The following PIK3R3 variants were observed in gnomAD, a reference collection of about 807,000 sequenced individuals.
The protein encoded by PIK3R3 is phosphoinositide-3-kinase regulatory subunit 3.
A neutral mutation model predicts 62.9 loss-of-function variants in PIK3R3; 64 were observed. That is an observed-to-expected ratio of 1.02 (90% CI 0.83 to 1.25). The LOEUF (loss-of-function observed/expected upper bound fraction) is 1.25, where lower values mean the gene tolerates loss of function less well. PIK3R3 is among the 50% of genes most tolerant of loss of function. PIK3R3 has a pLI of 0.00. For missense variants in PIK3R3, 614 were observed against 561.6 expected (o/e 1.09, Z -0.94); for synonymous variants, 165 against 189.0 (o/e 0.87, Z 1.04).
chr1:46,090,320 A>G (rs1475876352), intron 1 of PIK3R3, among the ~76,000 whole-genome samples: 1 of 150,902 alleles, frequency 6.6e-6, no homozygotes, highest in Non-Finnish European at 1.5e-5. Context: ...TTTTTTATTT[A>G]TTTATTTATT....
intron 1 of PIK3R3, among the ~76,000 whole-genome samples, chr1:46,097,271 C>G (rs1652224232): frequency 6.6e-6 from 1 of 152,156 alleles, no homozygotes; most frequent in Non-Finnish European, 1.5e-5. Flanking sequence ...CTACCAGGTG[C>G]AGTAGCTCAC....
At chr1:46,069,268 C>T (rs1355318702) in intron 3 of PIK3R3, among the ~76,000 whole-genome samples, 1 of 152,014 alleles carries the variant, frequency 6.6e-6, no homozygotes, top group African/African-American at 2.4e-5. Flanking sequence ...GCCTGTAATC[C>T]CAGCACTTTG....
intron 1 of PIK3R3, among the ~76,000 whole-genome samples, chr1:46,119,912 G>C (rs1289022692): frequency 6.6e-6 from 1 of 151,628 alleles, no homozygotes; most frequent in Non-Finnish European, 1.5e-5. Context: ...CAAGTAGCTG[G>C]GACTATAAGA....
chr1:46,142,711 A>C, the PIK3R3 span, among the ~76,000 whole-genome samples: 5 of 152,010 alleles, frequency 3.3e-5, no homozygotes, highest in African/African-American at 1.2e-4. Context: ...ATAAAAAAAA[A>C]AAGAAAAGAA....
chr1:46,046,035 G>A lies in PIK3R3; in HGVS notation c.1070C>T (p.Thr357Ile). ...TCGATTGATATCCTCAACAAACCAG[G>A]TTTTCTCATCATAATGGGGCAGGTT... ...DENLPHYDEK[T>I]WFVEDINRVQ... The change falls in exon 9 of 10, where the codon ACC becomes ATC. Residue 357 changes from threonine to isoleucine, a missense_variant. Transcript: ENST00000262741. The A allele has an allele frequency of 6.2e-7, 1 of 1,611,570 alleles. No individual in the cohort carries two copies. Among genetic ancestry groups the A allele is most frequent in the Admixed American group, 1.7e-5 (1 of 59,924 alleles).
chr1:46,105,837 T>A (rs6662641), intron 1 of PIK3R3, among the ~76,000 whole-genome samples: 67,771 of 151,414 alleles, frequency 0.45, 15,311 homozygotes, highest in East Asian at 0.62. Context: ...AGAGCAAAAC[T>A]CCGCCTCAAA....
At position 46,043,645 on chromosome 1, in the gene PIK3R3, G is replaced by A; in HGVS notation, c.*28C>T. On this transcript the variant is annotated 3_prime_UTR_variant, in exon 10 of 10. Coordinates refer to ENST00000262741, the MANE Select transcript of PIK3R3 (RefSeq NM_003629.4). ...ATAAAAACTGTAGAAAAAAATGCCA[G>A]AGAACCACCTCTCTTCCCACTTCCT... The A allele has an allele frequency of 1.2e-6, 2 of 1,602,242 alleles. No individual in the cohort carries two copies. Among genetic ancestry groups the A allele is most frequent in the Non-Finnish European group, 8.6e-7 (1 of 1,169,566 alleles).
chr1:46,045,620 T>TA, intron 9 of PIK3R3, among the ~76,000 whole-genome samples: 1 of 120,204 alleles, frequency 8.3e-6, no homozygotes, highest in Non-Finnish European at 1.8e-5. Context: ...TTAAGTGCTT[T>TA]TTTTTTTTTT....
chr1:46,077,369 A>G (rs1650157154), intron 3 of PIK3R3, 146 bp downstream of exon 3: 2 of 449,754 alleles, frequency 4.4e-6, no homozygotes, highest in Non-Finnish European at 8.0e-6. Context: ...TAGAAAAAAG[A>G]ATTAGCCAGA....
chr1:46,115,631 G>C (rs1428910072), intron 1 of PIK3R3, among the ~76,000 whole-genome samples: 1 of 152,182 alleles, frequency 6.6e-6, no homozygotes, highest in African/African-American at 2.4e-5. Context: ...CTCTTATATA[G>C]TTTATGACTA....
At chr1:46,078,654 A>C (rs79348418) in intron 2 of PIK3R3, among the ~76,000 whole-genome samples, 5,059 of 152,334 alleles carry the variant, frequency 0.033, 284 homozygotes, top group African/African-American at 0.12. Context: ...TATACCCAAA[A>C]TAACTGAAAG....
chr1:46,165,710 CTATT>C, the PIK3R3 span, among the ~76,000 whole-genome samples: 3 of 102,606 alleles, frequency 2.9e-5, no homozygotes, highest in African/African-American at 1.1e-4. Context: ...AAACCCAGGT[CTATT>C]TATTTGTTTA....
At chr1:46,124,991 C>T (rs765126734) in intron 1 of PIK3R3, among the ~76,000 whole-genome samples, 3 of 150,820 alleles carry the variant, frequency 2.0e-5, no homozygotes, top group African/African-American at 7.3e-5. Flanking sequence ...CCCAGCTACT[C>T]GGGAGGCTGA....
chr1:46,065,481 C>G (rs1321088544), intron 5 of PIK3R3, among the ~76,000 whole-genome samples: 1 of 152,238 alleles, frequency 6.6e-6, no homozygotes, highest in Non-Finnish European at 1.5e-5. Flanking sequence ...GCTGAACACA[C>G]CTGACCAAAT....
chr1:46,127,163 T>C (rs1655163544), intron 1 of PIK3R3, among the ~76,000 whole-genome samples: 1 of 151,898 alleles, frequency 6.6e-6, no homozygotes, highest in South Asian at 2.1e-4. Flanking sequence ...GGCAAAACCC[T>C]GTCTCTACCA....
upstream of PIK3R3, among the ~76,000 whole-genome samples, chr1:46,136,850 A>C (rs1350324120): frequency 6.6e-6 from 1 of 152,170 alleles, no homozygotes; most frequent in Non-Finnish European, 1.5e-5. Flanking sequence ...CCATTGCTGC[A>C]AACTTCCCCT....
At chr1:46,117,176 TAATCCC>T (rs1654258687) in intron 1 of PIK3R3, among the ~76,000 whole-genome samples, 1 of 152,164 alleles carries the variant, frequency 6.6e-6, no homozygotes, top group Non-Finnish European at 1.5e-5. Context: ...CTCACATCTA[TAATCCC>T]AGCACTTTGG....
At chr1:46,055,142 C>T (rs1354136831) in intron 7 of PIK3R3, among the ~76,000 whole-genome samples, 1 of 68,728 alleles carries the variant, frequency 1.5e-5, no homozygotes, top group African/African-American at 6.4e-5. Flanking sequence ...GAGTCTCACT[C>T]TGTCACCCAG....
Position 46,055,178 on chromosome 1 carries a change from G to A in PIK3R3, c.941+617C>T, listed in dbSNP as rs201588061. Among the ~76,000 whole-genome samples, 6 of 150,942 alleles carry A rather than the reference G, an allele frequency of 4.0e-5. No homozygotes were observed. In the East Asian group the frequency reaches 9.7e-4, roughly 24 times the overall value. ...GCATGGAGTGCAGTGGCGTGATCTC[G>A]GCTCACTGCAACCTCCGCCTCCAGG... is the stretch of plus-strand genomic sequence containing the variant. On this transcript the variant is annotated intron_variant, in intron 7 of 9. Coordinates refer to ENST00000262741, the MANE Select transcript of PIK3R3 (RefSeq NM_003629.4).
Sources: gnomAD v4.1 joint callset for allele counts (sites outside exome capture counted in the v4.1 genomes callset) on GRCh38, gnomAD v4.1.1 for gene constraint, MANE v1.5 for transcripts, NCBI Gene and HGNC (gene_info 2026-07-23, HGNC 2026-07-21) for gene names.